The following MICAL2 variants were observed in gnomAD, a reference collection of about 807,000 sequenced individuals.
The protein encoded by MICAL2 is [F-actin]-monooxygenase MICAL2.
Under a neutral mutation model 127.3 loss-of-function variants are expected in MICAL2, and 77 were observed. That is an observed-to-expected ratio of 0.60 (90% CI 0.50 to 0.73). The LOEUF (loss-of-function observed/expected upper bound fraction) is 0.73, where lower values mean the gene tolerates loss of function less well. Among genes scored for constraint, MICAL2 ranks in the 30% least tolerant of loss-of-function variants. MICAL2 has a pLI of 0.00. For synonymous variants in MICAL2, 570 were observed against 551.1 expected (o/e 1.03, Z -0.48); for missense variants, 1,351 against 1,434.4 (o/e 0.94, Z 0.94).
intron 26 of MICAL2, 188 bp downstream of exon 26, chr11:12,260,085 C>T: frequency 6.5e-7 from 1 of 1,537,048 alleles, no homozygotes; most frequent in African/African-American, 1.4e-5. Context: ...TCTCTGAGGT[C>T]CTGGCAGCCA....
chr11:12,159,134 G>A (rs77018253), intron 2 of MICAL2, among the ~76,000 whole-genome samples: 2 of 152,072 alleles, frequency 1.3e-5, no homozygotes, highest in Non-Finnish European at 2.9e-5. Flanking sequence ...CTGGTTCCTG[G>A]AGCTCCCACG....
In MICAL2 at chr11:12,162,509, C is replaced by T. The variant is rs58364057; in HGVS notation, c.264+90C>T. ...AAGCTGTTGCCATTTTGGCACTCTA[C>T]GGTTCTTAGGTGTGGGTGTGAATGT... is the stretch of plus-strand genomic sequence containing the variant. On this transcript the variant is annotated intron_variant, in intron 3 of 27. Transcript: ENST00000683283. 2,497 of 1,481,362 alleles carry T rather than the reference C, an allele frequency of 1.7e-3. 36 individuals are homozygous for T. In the African/African-American group the frequency reaches 0.029, roughly 17 times the overall value. 91.8% of individuals were successfully genotyped at this position (1,481,362 alleles called of 1,614,324 possible).
chr11:12,195,501 T>C (rs1405111315), intron 3 of MICAL2, among the ~76,000 whole-genome samples: 2 of 152,090 alleles, frequency 1.3e-5, no homozygotes, highest in African/African-American at 2.4e-5. Flanking sequence ...TCTTGCAGCT[T>C]CTCTATATAT....
chr11:12,231,554 T>C (rs1039740990), intron 15 of MICAL2, among the ~76,000 whole-genome samples: 1 of 152,194 alleles, frequency 6.6e-6, no homozygotes, highest in Non-Finnish European at 1.5e-5. Context: ...GTTTCTTGAG[T>C]GCCTATTTTA....
downstream of MICAL2, chr11:12,293,578 C>A: frequency 6.2e-7 from 1 of 1,611,666 alleles, no homozygotes; most frequent in Non-Finnish European, 8.5e-7. Context: ...CTTCTGAGCC[C>A]CTCTCGCAAG....
At chr11:12,359,239 C>T (rs969855941), downstream of MICAL2, 3 of 151,942 alleles carry the variant, frequency 2.0e-5, no homozygotes, top group Middle Eastern at 3.4e-3. Flanking sequence ...TTTTCGTCCC[C>T]GTGCTATGCT....
chr11:12,204,198 G>T, intron 3 of MICAL2, 52 bp from the exon 4 acceptor site: 1 of 1,559,146 alleles, frequency 6.4e-7, no homozygotes, highest in Non-Finnish European at 8.8e-7. Context: ...GGGGGTTCGT[G>T]TCTGTGATGC....
chr11:12,133,541 A>C (rs1851596760), intron 1 of MICAL2, among the ~76,000 whole-genome samples: 1 of 152,190 alleles, frequency 6.6e-6, no homozygotes, highest in Admixed American at 6.5e-5. Flanking sequence ...AGCAACGATA[A>C]TATTGTTTAG....
chr11:12,127,436 G>A (rs1333155493), intron 1 of MICAL2, among the ~76,000 whole-genome samples: 1 of 152,176 alleles, frequency 6.6e-6, no homozygotes, highest in Non-Finnish European at 1.5e-5. Context: ...AAGGGGAGAG[G>A]GACAATAAAC....
rs779902299 is a variant in MICAL2, at chr11:12,259,815, G to A, written c.3252G>A (p.Glu1084=). 1 of 1,560,332 alleles carries A rather than the reference G, an allele frequency of 6.4e-7. No homozygotes were observed. Among genetic ancestry groups the A allele is most frequent in the Non-Finnish European group, 8.7e-7 (1 of 1,150,448 alleles). Residue 1084 remains glutamate (E), a synonymous_variant, in exon 26 of 28, where the codon GAG becomes GAA. Transcript: ENST00000683283. ...QQREEEATWQ[E]QEAPRRDTPT... ...CTCAGGAGGAGGCAACATGGCAAGA[G>A]CAGGAAGCCCCTCGGAGAGACACTC...
At chr11:12,207,029 T>C (rs1000485813) in intron 4 of MICAL2, among the ~76,000 whole-genome samples, 1 of 152,166 alleles carries the variant, frequency 6.6e-6, no homozygotes, top group Non-Finnish European at 1.5e-5. Context: ...GTCTGCTGTC[T>C]TCCCCACCTG....
At chr11:12,190,418 A>G (rs1277731745) in intron 3 of MICAL2, among the ~76,000 whole-genome samples, 1 of 151,968 alleles carries the variant, frequency 6.6e-6, no homozygotes, top group African/African-American at 2.4e-5. Flanking sequence ...AAACTTGAGG[A>G]TTTTCTGTCA....
At chr11:12,182,824 G>A (rs547814439) in intron 3 of MICAL2, among the ~76,000 whole-genome samples, 1 of 152,304 alleles carries the variant, frequency 6.6e-6, no homozygotes, top group South Asian at 2.1e-4. Flanking sequence ...CTGAGCTCAT[G>A]GGTTGGGAAT....
At chr11:12,111,482 TA>T (rs997242221) in intron 1 of MICAL2, among the ~76,000 whole-genome samples, 1 of 151,996 alleles carries the variant, frequency 6.6e-6, no homozygotes, top group Non-Finnish European at 1.5e-5. Flanking sequence ...GCAGGTGGGG[TA>T]AATTGTATTC....
intron 34 of MICAL2, among the ~76,000 whole-genome samples, chr11:12,356,609 C>T (rs1444137661): frequency 6.6e-6 from 1 of 152,198 alleles, no homozygotes; most frequent in East Asian, 1.9e-4. Context: ...CCCACTCTCT[C>T]GGGGTGCCTG....
downstream of MICAL2, among the ~76,000 whole-genome samples, chr11:12,290,564 T>C (rs1863884892): frequency 6.6e-6 from 1 of 152,134 alleles, no homozygotes; most frequent in Non-Finnish European, 1.5e-5. Context: ...AAGGACTGAC[T>C]CACAACTTTT....
chr11:12,224,568 C>T, intron 12 of MICAL2, 105 bp from the exon 13 acceptor site: 2 of 1,479,570 alleles, frequency 1.4e-6, no homozygotes, highest in Admixed American at 1.9e-5. Context: ...TGCCTTGGGG[C>T]CGCTCGTCCT....
chr11:12,217,567 G>T (rs11827631), intron 8 of MICAL2, among the ~76,000 whole-genome samples: 39,262 of 151,954 alleles, frequency 0.26, 5,643 homozygotes, highest in Non-Finnish European at 0.31. Flanking sequence ...GTCTGAAACT[G>T]GGGGGTGCAG....
chr11:12,226,941 C>T (rs1857557032), intron 14 of MICAL2, 84 bp from the exon 15 acceptor site: 2 of 1,090,422 alleles, frequency 1.8e-6, no homozygotes, highest in Non-Finnish European at 2.8e-6. Context: ...GCGTGAGCCA[C>T]CACACCCAGC....
Sources: gnomAD v4.1 joint callset for allele counts (sites outside exome capture counted in the v4.1 genomes callset) on GRCh38, gnomAD v4.1.1 for gene constraint, MANE v1.5 for transcripts, NCBI Gene and HGNC (gene_info 2026-07-23, HGNC 2026-07-21) for gene names.